Variants in KLHL29 observed in about 807,000 individuals in gnomAD.
KLHL29 encodes kelch-like protein 29.
KLHL29 carries 21 observed loss-of-function variants against 80.4 expected under a neutral mutation model. The ratio of observed to expected loss-of-function variants is 0.26; its 90% CI spans 0.19 to 0.38. KLHL29 has a LOEUF of 0.38. KLHL29 is among the 10% of genes least tolerant of loss of function. The probability of loss-of-function intolerance (pLI) is 1.00; values close to 1 mark genes in which losing one functional copy is unlikely to be tolerated. For synonymous variants in KLHL29, 511 were observed against 526.8 expected, an observed-to-expected ratio of 0.97 and a Z score of 0.41; for missense variants, 867 against 1,223.9, an observed-to-expected ratio of 0.71 and a Z score of 4.35.
chr2:23,595,029 C>T (rs1229588156), intron 3 of KLHL29, among the ~76,000 whole-genome samples: 2 of 152,124 alleles, frequency 1.3e-5, no homozygotes, highest in Non-Finnish European at 2.9e-5. Context: ...TATTCGTGTG[C>T]TTTGTAAATT....
chr2:23,627,599 G>C (rs1048862773), intron 3 of KLHL29, among the ~76,000 whole-genome samples: 15 of 152,302 alleles, frequency 9.8e-5, no homozygotes, highest in African/African-American at 3.6e-4. Context: ...TGCGTCTGAG[G>C]AGCCGCCTCC....
chr2:23,601,723 C>T lies in KLHL29; in HGVS notation c.286-37416C>T, dbSNP rs563606960. On this transcript the variant is annotated intron_variant, in intron 3 of 13. Transcript: ENST00000486442. ...GAAGCGTGAGGGCACCTTCCCCACTCAGTAGTGCATCTGAGGTTGGTAGGT... is the reference window on the plus strand; with the variant it reads ...GAAGCGTGAGGGCACCTTCCCCACTTAGTAGTGCATCTGAGGTTGGTAGGT... Among the ~76,000 whole-genome samples the T allele has an allele frequency of 8.5e-5, 13 of 152,330 alleles. No individual in the cohort carries two copies. In the East Asian group the frequency reaches 2.3e-3, roughly 27 times the overall value.
chr2:23,563,322 C>T (rs141341602), intron 3 of KLHL29, among the ~76,000 whole-genome samples: 135 of 152,318 alleles, frequency 8.9e-4, no homozygotes, highest in African/African-American at 3.0e-3. Context: ...CCTGGAGGGC[C>T]GGGCCCCTGG....
intron 1 of KLHL29, among the ~76,000 whole-genome samples, chr2:23,455,923 G>A (rs1008232965): frequency 6.6e-6 from 1 of 152,162 alleles, no homozygotes; most frequent in East Asian, 1.9e-4. Flanking sequence ...TGATTGGTGT[G>A]TTTATAAAAA....
intron 11 of KLHL29, among the ~76,000 whole-genome samples, chr2:23,698,657 A>G (rs1181609783): frequency 2.6e-5 from 4 of 152,236 alleles, no homozygotes; most frequent in African/African-American, 9.6e-5. Flanking sequence ...CCTGTATTAT[A>G]TCATTATATA....
intron 2 of KLHL29, among the ~76,000 whole-genome samples, chr2:23,490,155 A>G (rs989546263): frequency 2.0e-5 from 3 of 152,208 alleles, no homozygotes; most frequent in African/African-American, 4.8e-5. Flanking sequence ...CTCCCAGACC[A>G]CTAGGTTTCT....
chr2:23,674,002 C>T (rs1010917388), intron 5 of KLHL29, among the ~76,000 whole-genome samples: 1 of 152,230 alleles, frequency 6.6e-6, no homozygotes, highest in African/African-American at 2.4e-5. Context: ...CCTGTGTTCA[C>T]ATCTCACCCC....
intron 2 of KLHL29, among the ~76,000 whole-genome samples, chr2:23,533,631 G>A (rs774775324): frequency 2.6e-5 from 4 of 152,188 alleles, no homozygotes; most frequent in Non-Finnish European, 5.9e-5. Flanking sequence ...CAGATGGGGT[G>A]CGGCGTTTGG....
chr2:23,625,309 T>C (rs963469693), intron 3 of KLHL29, among the ~76,000 whole-genome samples: 1 of 152,256 alleles, frequency 6.6e-6, no homozygotes, highest in East Asian at 1.9e-4. Context: ...TCTGCATATT[T>C]AAATGCTTTT....
chr2:23,583,211 G>A (rs1280168314), intron 3 of KLHL29, among the ~76,000 whole-genome samples: 1 of 152,192 alleles, frequency 6.6e-6, no homozygotes, highest in Non-Finnish European at 1.5e-5. Flanking sequence ...CACCCACTGT[G>A]TGGTCGTTTG....
chr2:23,593,583 T>G (rs1668321331), intron 3 of KLHL29, among the ~76,000 whole-genome samples: 1 of 152,180 alleles, frequency 6.6e-6, no homozygotes, highest in South Asian at 2.1e-4. Context: ...ACCACTCCTT[T>G]GGGGCAGTGG....
chr2:23,658,976 A>G (rs1227742498), intron 5 of KLHL29, among the ~76,000 whole-genome samples: 1 of 152,180 alleles, frequency 6.6e-6, no homozygotes, highest in Non-Finnish European at 1.5e-5. Flanking sequence ...CCAGCGCAGC[A>G]CAGCCTTCAC....
chr2:23,523,530 CT>C (rs541336058), intron 2 of KLHL29, among the ~76,000 whole-genome samples: 74 of 152,342 alleles, frequency 4.9e-4, no homozygotes, highest in African/African-American at 1.7e-3. Flanking sequence ...CAGGAATGAA[CT>C]GCACTCTGGC....
chr2:23,500,871 C>A (rs1445099877), intron 2 of KLHL29, among the ~76,000 whole-genome samples: 2 of 152,090 alleles, frequency 1.3e-5, no homozygotes, highest in Non-Finnish European at 2.9e-5. Flanking sequence ...CACGAGGTTG[C>A]ACTTTGACAT....
At chr2:23,423,121 G>A (rs1662873821) in intron 1 of KLHL29, among the ~76,000 whole-genome samples, 1 of 152,238 alleles carries the variant, frequency 6.6e-6, no homozygotes, top group Non-Finnish European at 1.5e-5. Context: ...TGGGGTTGGC[G>A]GGCCCCGCAG....
intron 11 of KLHL29, among the ~76,000 whole-genome samples, chr2:23,702,311 C>T (rs141384126): frequency 6.6e-6 from 1 of 152,332 alleles, no homozygotes; most frequent in East Asian, 1.9e-4. Flanking sequence ...ATGCTCTGAA[C>T]ACTTACATTA....
At chr2:23,636,874 C>A (rs541306426) in intron 3 of KLHL29, among the ~76,000 whole-genome samples, 26 of 152,142 alleles carry the variant, frequency 1.7e-4, no homozygotes, top group Non-Finnish European at 3.1e-4. Context: ...CGAGGAGACC[C>A]CAACCTCCTC....
At chr2:23,558,743 C>T (rs1183271683) in intron 2 of KLHL29, among the ~76,000 whole-genome samples, 1 of 152,264 alleles carries the variant, frequency 6.6e-6, no homozygotes, top group African/African-American at 2.4e-5. Flanking sequence ...CTACGTGGAA[C>T]TTCCAGTCAG....
intron 2 of KLHL29, among the ~76,000 whole-genome samples, chr2:23,550,128 C>T (rs1667084712): frequency 6.6e-6 from 1 of 152,106 alleles, no homozygotes; most frequent in African/African-American, 2.4e-5. Context: ...GGAGCTGTGC[C>T]CTGTTCTTAT....
Sources: gnomAD v4.1 joint callset for allele counts (sites outside exome capture counted in the v4.1 genomes callset) on GRCh38, gnomAD v4.1.1 for gene constraint, MANE v1.5 for transcripts, NCBI Gene and HGNC (gene_info 2026-07-23, HGNC 2026-07-21) for gene names.